Variants in COL21A1 observed in about 807,000 individuals in gnomAD.
The protein encoded by COL21A1 is collagen type XXI alpha 1 chain.
A neutral mutation model predicts 137.9 loss-of-function variants in COL21A1; 149 were observed. That is an observed-to-expected ratio of 1.08 (90% CI 0.95 to 1.24). The LOEUF (loss-of-function observed/expected upper bound fraction) is 1.24, where lower values mean the gene tolerates loss of function less well. Ranked by LOEUF, COL21A1 falls within the 50% of genes most tolerant of loss-of-function variation. COL21A1 has a pLI of 0.00. For missense variants in COL21A1, 1,167 were observed against 1,158.4 expected (o/e 1.01, Z -0.11); for synonymous variants, 456 against 391.5 (o/e 1.16, Z -1.95).
At chr6:56,104,295 T>C (rs1414792692) in intron 16 of COL21A1, among the ~76,000 whole-genome samples, 1 of 152,086 alleles carries the variant, frequency 6.6e-6, no homozygotes, top group African/African-American at 2.4e-5. Flanking sequence ...ATAAAGGAAA[T>C]GGGAAAAACA....
chr6:56,260,643 GGAAGGAAGGAAGGAAT>G (rs765033251), intron 1 of COL21A1, among the ~76,000 whole-genome samples: 7,965 of 51,550 alleles, frequency 0.15, 553 homozygotes, highest in African/African-American at 0.27. Flanking sequence ...AAGGAAGGAA[GGAAGGAAGGAAGGAAT>G]GAAGGAAGGA....
chr6:56,375,393 C>T (rs1463145705), intron 1 of COL21A1, among the ~76,000 whole-genome samples: 4 of 152,156 alleles, frequency 2.6e-5, no homozygotes, highest in African/African-American at 7.2e-5. Flanking sequence ...GGTAGGCACC[C>T]GTGGAAGAAG....
chr6:56,347,202 A>G (rs972635532), intron 1 of COL21A1, among the ~76,000 whole-genome samples: 1 of 152,256 alleles, frequency 6.6e-6, no homozygotes, highest in South Asian at 2.1e-4. Context: ...ACTCAGCACC[A>G]TATTGAATTC....
intron 1 of COL21A1, among the ~76,000 whole-genome samples, chr6:56,254,595 A>T (rs1237228197): frequency 6.6e-6 from 1 of 152,236 alleles, no homozygotes; most frequent in Non-Finnish European, 1.5e-5. Context: ...TAACAAAATA[A>T]TTGTTTATAA....
At chr6:56,381,299 A>G (rs985638905) in intron 1 of COL21A1, among the ~76,000 whole-genome samples, 1 of 152,160 alleles carries the variant, frequency 6.6e-6, no homozygotes, top group African/African-American at 2.4e-5. Context: ...TTAGTTAGAA[A>G]GGGGAAAAAA....
chr6:56,303,480 AC>A (rs1764353856), intron 1 of COL21A1, among the ~76,000 whole-genome samples: 1 of 151,744 alleles, frequency 6.6e-6, no homozygotes, highest in African/African-American at 2.4e-5. Flanking sequence ...GGTATTTTAT[AC>A]TCTTTGAAGC....
intron 1 of COL21A1, chr6:56,276,803 T>C (rs1234464291): frequency 1.1e-6 from 1 of 879,606 alleles, no homozygotes; most frequent in East Asian, 2.7e-5. Context: ...GTTGTGTTTT[T>C]TTTGTTTTTT....
chr6:56,087,854 C>T (rs1015741097), intron 17 of COL21A1, among the ~76,000 whole-genome samples: 5 of 152,100 alleles, frequency 3.3e-5, no homozygotes, highest in African/African-American at 4.8e-5. Flanking sequence ...ATCCATTTCT[C>T]CTCAATGAGA....
At position 56,324,941 on chromosome 6, in the gene COL21A1, T is replaced by A. The variant is rs547629603; in HGVS notation, c.-39+69030A>T. ...GAAAGATGCCTTCCTATATACACAG[T>A]ACTTTTATCTCTGAAGATGAAGGGT... On this transcript the variant is annotated intron_variant, in intron 1 of 28. Coordinates refer to the COL21A1 transcript ENST00000370819. 4.6e-5 allele frequency among the ~76,000 whole-genome samples: 7 copies of A among 151,956 alleles called. No individual in the cohort carries two copies. The East Asian group carries it at 1.2e-3, about 25-fold the overall frequency.
At chr6:56,104,911 T>G (rs968101794) in intron 16 of COL21A1, among the ~76,000 whole-genome samples, 3 of 152,188 alleles carry the variant, frequency 2.0e-5, no homozygotes, top group South Asian at 4.1e-4. Context: ...ATCCTCAAAA[T>G]CAGGTGGAAG....
chr6:56,368,275 C>A (rs1419786515), intron 1 of COL21A1, among the ~76,000 whole-genome samples: 1 of 152,080 alleles, frequency 6.6e-6, no homozygotes, highest in African/African-American at 2.4e-5. Context: ...TTAAATTATT[C>A]TCTCATTTGT....
intron 10 of COL21A1, among the ~76,000 whole-genome samples, chr6:56,151,671 A>G (rs1046256656): frequency 6.6e-6 from 1 of 152,196 alleles, no homozygotes; most frequent in African/African-American, 2.4e-5. Context: ...AAGAGATTCA[A>G]ATAGCTTATT....
At chr6:56,287,901 A>G (rs1763952477) in intron 1 of COL21A1, among the ~76,000 whole-genome samples, 1 of 151,976 alleles carries the variant, frequency 6.6e-6, no homozygotes, top group Admixed American at 6.6e-5. Flanking sequence ...GCCTTTGAAG[A>G]TGGAGGGAGA....
chr6:56,109,036 A>G (rs565225882), intron 16 of COL21A1, among the ~76,000 whole-genome samples: 19 of 151,940 alleles, frequency 1.3e-4, no homozygotes, highest in African/African-American at 4.3e-4. Context: ...GTTAATGAAA[A>G]CATTGCATAT....
At position 56,170,705 on chromosome 6, in the gene COL21A1, T is replaced by C. The variant is rs1381152441; in HGVS notation, c.970A>G (p.Thr324Ala). 3 of 1,606,350 alleles carry C rather than the reference T, an allele frequency of 1.9e-6. No individual in the cohort carries two copies. Among genetic ancestry groups the C allele is most frequent in the African/African-American group, 1.3e-5 (1 of 74,944 alleles). The change falls in exon 5 of 30, where the codon ACA becomes GCA. Residue 324 changes from threonine (T) to alanine (A), a missense_variant. Physicochemically the swap from Thr to Ala is moderately conservative, Grantham distance 58. Transcript: ENST00000244728. ...NGVDKILLFT[T>A]TSVINGSQVV... Reference sequence around the variant, plus strand: ...TGTGAGCCATTAATTACGCTGGTTGTTGTAAATAATAAGATTTTGTCCACA... The same window carrying C: ...TGTGAGCCATTAATTACGCTGGTTGCTGTAAATAATAAGATTTTGTCCACA...
Position 56,377,923 on chromosome 6 carries a change from G to A in COL21A1, c.-39+16048C>T, listed in dbSNP as rs912092640. 7.9e-5 allele frequency among the ~76,000 whole-genome samples: 12 copies of A among 152,188 alleles called. 1 individual carries two copies. The South Asian group carries it at 8.3e-4, about 11-fold the overall frequency. Reference sequence around the variant, plus strand: ...GCACTGGTCAGAGTCATGAGGTCCCGTTCCAGGCCCTAGCTCCTGAACAAC... The same window carrying A: ...GCACTGGTCAGAGTCATGAGGTCCCATTCCAGGCCCTAGCTCCTGAACAAC... On this transcript the variant is annotated intron_variant, in intron 1 of 28. Transcript: ENST00000370819.
rs758950747 is a variant in COL21A1 at position 56,061,697 on chromosome 6, G to A, written c.2173-16C>T. 1.9e-6 allele frequency: 3 copies of A among 1,541,140 alleles called. No homozygotes were observed. The highest frequency in any genetic ancestry group is 2.3e-5 in the South Asian group (2 of 85,454). On this transcript the variant is annotated splice_polypyrimidine_tract_variant and intron_variant, in intron 24 of 29. Coordinates refer to ENST00000244728, the MANE Select transcript of COL21A1 (RefSeq NM_030820.4). ...CTTGAATTCCCTTTGAAAATTAATA[G>A]AAAAAATATAATAAATGTGCAAGCT...
chr6:56,222,974 G>A (rs1056359709), intron 1 of COL21A1, among the ~76,000 whole-genome samples: 1 of 150,932 alleles, frequency 6.6e-6, no homozygotes, highest in East Asian at 1.9e-4. Context: ...GACTCAATCA[G>A]TATTTTTTTT....
At chr6:56,190,457 C>T (rs899357033) in intron 1 of COL21A1, among the ~76,000 whole-genome samples, 5 of 152,016 alleles carry the variant, frequency 3.3e-5, no homozygotes, top group African/African-American at 9.7e-5. Flanking sequence ...TAATAGCCTA[C>T]CAACCAAAAA....
Sources: allele counts gnomAD v4.1 joint callset (sites outside exome capture counted in the v4.1 genomes callset), GRCh38; gene constraint gnomAD v4.1.1; transcripts MANE v1.5; gene names NCBI Gene and HGNC (gene_info 2026-07-23, HGNC 2026-07-21).